Variants in SEPTIN4 observed in about 807,000 individuals in gnomAD.
SEPTIN4 encodes septin-4.
SEPTIN4 carries 52 observed loss-of-function variants against 107.1 expected under a neutral mutation model. That is an observed-to-expected ratio of 0.49 (90% CI 0.39 to 0.61). SEPTIN4 has a LOEUF of 0.61. SEPTIN4 is among the 20% of genes least tolerant of loss of function. The pLI, the probability that SEPTIN4 is intolerant of heterozygous loss-of-function variation, is 0.00. For synonymous variants in SEPTIN4, 417 were observed against 467.0 expected (o/e 0.89, Z 1.38); for missense variants, 1,048 against 1,243.5 (o/e 0.84, Z 2.36).
At chr17:58,520,930 G>T in intron 12 of SEPTIN4, 68 bp downstream of exon 12, 1 of 1,611,866 alleles carries the variant, frequency 6.2e-7, no homozygotes. Flanking sequence ...CAAAAGTAGG[G>T]CTTGGTCTCA....
intron 3 of SEPTIN4, 181 bp from the exon 4 acceptor site, chr17:58,527,159 C>T: frequency 9.6e-7 from 1 of 1,046,634 alleles, no homozygotes; most frequent in South Asian, 1.3e-5. Context: ...CCCTCACCTG[C>T]TCACAAGCCT....
intron 3 of SEPTIN4, among the ~76,000 whole-genome samples, chr17:58,533,288 CCGGT>C (rs2144215725): frequency 6.6e-6 from 1 of 152,248 alleles, no homozygotes; most frequent in South Asian, 2.1e-4. Flanking sequence ...CATGAGCCAG[CCGGT>C]TGAGGAGAAA....
intron 3 of SEPTIN4, chr17:58,531,104 C>T (rs4793952): frequency 0.36 from 55,522 of 152,236 alleles, 10,498 homozygotes; most frequent in East Asian, 0.51. Flanking sequence ...GACACCCTTA[C>T]GTTATTTGTG....
At chr17:58,532,970 T>A (rs1258106261) in intron 3 of SEPTIN4, among the ~76,000 whole-genome samples, 1 of 152,144 alleles carries the variant, frequency 6.6e-6, no homozygotes, top group Non-Finnish European at 1.5e-5. Flanking sequence ...CAGAAGCATG[T>A]CCCTTCCTGA....
chr17:58,523,737 G>A (rs1167465141), intron 7 of SEPTIN4, among the ~76,000 whole-genome samples: 1 of 151,732 alleles, frequency 6.6e-6, no homozygotes, highest in Non-Finnish European at 1.5e-5. Flanking sequence ...TTGAACACGG[G>A]GCCCTACATT....
At position 58,543,427 on chromosome 17, in the gene SEPTIN4, C is replaced by T. The variant is rs369854434; in HGVS notation, c.760G>A (p.Gly254Ser). Reference sequence around the variant, plus strand: ...GCCTTGGGTTTTGAAGGAATTGGACCGTAAGGACCTGTTTCTGATTCTTCT... The same window carrying T: ...GCCTTGGGTTTTGAAGGAATTGGACTGTAAGGACCTGTTTCTGATTCTTCT... The part of the protein sequence containing the change: ...PVEESETGPY[G>S]PIPSKPKALY... Residue 254 changes from glycine to serine, a missense_variant, in exon 1 of 14, where the codon GGT becomes AGT. Physicochemically the swap from Gly to Ser is moderately conservative, Grantham distance 56. Coordinates refer to ENST00000672673, the MANE Select transcript of SEPTIN4 (RefSeq NM_001368771.2). The T allele has an allele frequency of 1.5e-5, 24 of 1,614,114 alleles. No individual in the cohort carries two copies. The highest frequency in any genetic ancestry group is 3.3e-5 in the Admixed American group (2 of 60,012).
chr17:58,526,668 G>A lies in SEPTIN4; in HGVS notation c.1911+14C>T, dbSNP rs1212158029. On this transcript the variant is annotated intron_variant, in intron 4 of 13. Coordinates refer to ENST00000672673, the MANE Select transcript of SEPTIN4 (RefSeq NM_001368771.2). ...CAGCCCACTGAAAGGCAAAGGCAGG[G>A]CTGGAGGCTCTACCTCAGAGGAATC... The A allele has an allele frequency of 6.5e-7, 1 of 1,549,950 alleles. No homozygotes were observed. Among genetic ancestry groups the A allele is most frequent in the Non-Finnish European group, 8.7e-7 (1 of 1,153,804 alleles).
chr17:58,539,064 C>G (rs2144251914), intron 3 of SEPTIN4: 1 of 1,285,824 alleles, frequency 7.8e-7, no homozygotes, highest in East Asian at 2.6e-5. Flanking sequence ...GAGAGCCTAG[C>G]TCTCTCATGC....
At chr17:58,529,102 A>G (rs2043231426) in intron 3 of SEPTIN4, 1 of 1,614,126 alleles carries the variant, frequency 6.2e-7, no homozygotes, top group Non-Finnish European at 8.5e-7. Flanking sequence ...CATCTCCCAG[A>G]GCAGCACCTT....
rs1897217165 is a variant in SEPTIN4 at position 58,521,474 on chromosome 17, T to A, written c.2571+71A>T. On this transcript the variant is annotated intron_variant, in intron 10 of 13. Transcript: ENST00000672673. This position sits in a 1 kb window ranked among gnomAD's most constrained non-coding sequence, Gnocchi z 6.4. ...TCCTTTCCCACCCTGATAGCCTGAA[T>A]ATAGAATTCTACTCCCTTTTTCTAC... The A allele has an allele frequency of 6.3e-7, 1 of 1,577,640 alleles. No homozygotes were observed. The highest frequency in any genetic ancestry group is 8.7e-7 in the Non-Finnish European group (1 of 1,147,362).
In SEPTIN4 at chr17:58,521,463, G is replaced by T; in HGVS notation, c.2571+82C>A. ...GGAAGCCAGGGTCCTTTCCCACCCT[G>T]ATAGCCTGAATATAGAATTCTACTC... On this transcript the variant is annotated intron_variant, in intron 10 of 13. Coordinates refer to ENST00000672673, the MANE Select transcript of SEPTIN4 (RefSeq NM_001368771.2). This position sits in a 1 kb window ranked among gnomAD's most constrained non-coding sequence, Gnocchi z 6.4. 1 of 1,570,224 alleles carries T rather than the reference G, an allele frequency of 6.4e-7. No homozygotes were observed. Among genetic ancestry groups the T allele is most frequent in the Non-Finnish European group, 8.8e-7 (1 of 1,140,724 alleles).
chr17:58,526,177 C>T (rs1374936399), intron 5 of SEPTIN4, 43 bp downstream of exon 5: 8 of 1,537,236 alleles, frequency 5.2e-6, no homozygotes, highest in East Asian at 4.6e-5. Flanking sequence ...ACCATCCCCA[C>T]CTGAAACACA....
chr17:58,531,889 G>A, intron 3 of SEPTIN4: 1 of 1,114,572 alleles, frequency 9.0e-7, no homozygotes. Context: ...TCCCCTTGCA[G>A]CCGCCCGGGA....
In SEPTIN4 at chr17:58,525,622, C is replaced by T. The variant is rs1013501926; in HGVS notation, c.2092+73G>A. 1.5e-4 allele frequency: 197 copies of T among 1,327,470 alleles called. No individual in the cohort carries two copies. In the Admixed American group the frequency reaches 3.2e-3, roughly 22 times the overall value. The allele number at this position is 1,327,470 out of a possible 1,614,324, so 82.2% of individuals were successfully genotyped here. A position where few individuals can be genotyped will look rare whatever the true frequency, so the allele number is the denominator to read the frequency against. On this transcript the variant is annotated intron_variant, in intron 6 of 13. Coordinates refer to ENST00000672673, the MANE Select transcript of SEPTIN4 (RefSeq NM_001368771.2). The stretch of plus-strand genomic sequence containing the variant: ...TGGTTTCCTGCATGTGGGGGAGAGC[C>T]CCATCCCCCAGACTCTGGAGTGAGT...
chr17:58,526,098 CA>C, intron 5 of SEPTIN4, 121 bp downstream of exon 5: 1 of 1,144,800 alleles, frequency 8.7e-7, no homozygotes, highest in Non-Finnish European at 1.1e-6. Context: ...GGCTGTTTTG[CA>C]AAACAGTACA....
At chr17:58,537,683 A>G (rs2043759981) in intron 3 of SEPTIN4, among the ~76,000 whole-genome samples, 1 of 151,982 alleles carries the variant, frequency 6.6e-6, no homozygotes, top group Non-Finnish European at 1.5e-5. Flanking sequence ...TACAAAAACT[A>G]GCTGGGCGTG....
intron 7 of SEPTIN4, among the ~76,000 whole-genome samples, chr17:58,522,855 C>T (rs948728984): frequency 7.9e-5 from 12 of 152,174 alleles, no homozygotes; most frequent in East Asian, 1.9e-4. Flanking sequence ...ATCTCTTCCA[C>T]GAAGTCTCCT....
At chr17:58,528,882 C>T (rs1035417707) in intron 3 of SEPTIN4, among the ~76,000 whole-genome samples, 2 of 152,146 alleles carry the variant, frequency 1.3e-5, no homozygotes, top group South Asian at 2.1e-4. Flanking sequence ...GCAGAGCCTC[C>T]GGGAACCCAG....
In SEPTIN4 at chr17:58,543,800, T is replaced by C; in HGVS notation, c.387A>G (p.Glu129=). Residue 129 remains glutamate (E), a synonymous_variant, in exon 1 of 14, where the codon GAA becomes GAG. Transcript: ENST00000672673. ...TGCTCTCACTGCCTCTTCGTGCTGCTTCCTCTCTGGGTGGACTAACTTTCC... is the reference window on the plus strand; with the variant it reads ...TGCTCTCACTGCCTCTTCGTGCTGCCTCCTCTCTGGGTGGACTAACTTTCC... ...RQWKVSPPRE[E]AARRGSESKS... 1 of 1,614,236 alleles carries C rather than the reference T, an allele frequency of 6.2e-7. No homozygotes were observed. The highest frequency in any genetic ancestry group is 8.5e-7 in the Non-Finnish European group (1 of 1,180,046).
Sources: allele counts gnomAD v4.1 joint callset (sites outside exome capture counted in the v4.1 genomes callset), GRCh38; gene constraint gnomAD v4.1.1; non-coding constraint Gnocchi (gnomAD v3.1); transcripts MANE v1.5; gene names NCBI Gene and HGNC (gene_info 2026-07-23, HGNC 2026-07-21).